Variants in RNGTT observed in about 807,000 individuals in gnomAD.
RNGTT encodes mRNA-capping enzyme.
In RNGTT, 33 loss-of-function variants were observed where a neutral mutation model predicts 79.3. That is an observed-to-expected ratio of 0.42 (90% CI 0.32 to 0.56). The LOEUF is 0.56. Among genes scored for constraint, RNGTT ranks in the 20% least tolerant of loss-of-function variants. The pLI is 0.17. For missense variants in RNGTT, 497 were observed against 739.1 expected (o/e 0.67, Z 3.80); for synonymous variants, 222 against 235.9 (o/e 0.94, Z 0.54).
chr6:88,856,801 A>G (rs955508221), intron 8 of RNGTT, among the ~76,000 whole-genome samples: 1 of 152,190 alleles, frequency 6.6e-6, no homozygotes, highest in African/African-American at 2.4e-5. Flanking sequence ...CATCACTCCA[A>G]AGTCCCTGAA....
intron 13 of RNGTT, among the ~76,000 whole-genome samples, chr6:88,699,835 G>A (rs2756364): frequency 0.27 from 40,512 of 152,068 alleles, 9,449 homozygotes; most frequent in African/African-American, 0.63. Context: ...ATATTGTATG[G>A]TTTGAATCAT....
chr6:88,626,233 C>G (rs1411066662), intron 14 of RNGTT, among the ~76,000 whole-genome samples: 1 of 151,786 alleles, frequency 6.6e-6, no homozygotes, highest in Non-Finnish European at 1.5e-5. Context: ...GAAGCTGAAG[C>G]CAGAGAGTTT....
Position 88,844,425 on chromosome 6 carries a change from T to C in RNGTT, c.1201A>G (p.Ile401Val), listed in dbSNP as rs1476458135. 3.7e-6 allele frequency: 6 copies of C among 1,614,118 alleles called. No homozygotes were observed. The highest frequency in any genetic ancestry group is 5.1e-6 in the Non-Finnish European group (6 of 1,179,976). The change falls in exon 11 of 16, where the codon ATT becomes GTT. Residue 401 changes from isoleucine (I) to valine (V), a missense_variant. By Grantham distance (29) the Ile-to-Val change is conservative. Transcript: ENST00000369485. ...PRHEKMKTGL[I>V]DKTQEPFSVR... Reference sequence around the variant, plus strand: ...CTAAATGGTTCCTGTGTTTTGTCAATGAGCCCAGTCTTCATTTTTTCGTGT... The same window carrying C: ...CTAAATGGTTCCTGTGTTTTGTCAACGAGCCCAGTCTTCATTTTTTCGTGT...
intron 4 of RNGTT, among the ~76,000 whole-genome samples, chr6:88,928,314 C>A (rs1326233482): frequency 6.6e-6 from 1 of 152,076 alleles, no homozygotes; most frequent in African/African-American, 2.4e-5. Flanking sequence ...AAAACAACAA[C>A]AACAACAAAC....
chr6:88,879,871 A>T (rs571236366), intron 8 of RNGTT, among the ~76,000 whole-genome samples: 2 of 152,340 alleles, frequency 1.3e-5, no homozygotes, highest in Non-Finnish European at 2.9e-5. Flanking sequence ...TCCAAAAGCC[A>T]AATGTGACCT....
intron 4 of RNGTT, among the ~76,000 whole-genome samples, chr6:88,926,382 T>A (rs865835999): frequency 1.3e-5 from 2 of 152,338 alleles, no homozygotes; most frequent in African/African-American, 4.8e-5. Context: ...AACTATTTTT[T>A]TCTGTGCTCG....
At chr6:88,624,668 G>T (rs1055350989) in intron 14 of RNGTT, among the ~76,000 whole-genome samples, 1 of 151,712 alleles carries the variant, frequency 6.6e-6, no homozygotes, top group Admixed American at 6.6e-5. Flanking sequence ...CCTAGGGTTA[G>T]GCAAAATTTC....
chr6:88,858,834 G>A (rs1467013947), intron 8 of RNGTT, among the ~76,000 whole-genome samples: 6 of 152,066 alleles, frequency 3.9e-5, no homozygotes, highest in African/African-American at 1.4e-4. Context: ...TGGGAGGGTT[G>A]GAGTACACAG....
intron 13 of RNGTT, among the ~76,000 whole-genome samples, chr6:88,719,474 C>T (rs1281199808): frequency 6.6e-6 from 1 of 152,162 alleles, no homozygotes; most frequent in Non-Finnish European, 1.5e-5. Context: ...CTGCTTCTTC[C>T]AACTTGATTA....
intron 13 of RNGTT, among the ~76,000 whole-genome samples, chr6:88,718,760 A>G (rs1221187239): frequency 6.6e-6 from 1 of 152,326 alleles, no homozygotes; most frequent in East Asian, 1.9e-4. Flanking sequence ...GTATGCTGCC[A>G]ACTCTTTTGC....
intron 8 of RNGTT, among the ~76,000 whole-genome samples, chr6:88,887,819 G>A (rs1782917322): frequency 6.6e-6 from 1 of 152,142 alleles, no homozygotes; most frequent in Non-Finnish European, 1.5e-5. Flanking sequence ...AATGCAGAAA[G>A]TAAAGAGTAT....
intron 2 of RNGTT, among the ~76,000 whole-genome samples, chr6:88,929,893 C>T (rs531574266): frequency 8.7e-5 from 13 of 150,272 alleles, no homozygotes; most frequent in Non-Finnish European, 1.5e-4. Flanking sequence ...CACATATATA[C>T]ATATGTATAC....
intron 14 of RNGTT, among the ~76,000 whole-genome samples, chr6:88,646,089 C>T (rs1206717276): frequency 6.6e-6 from 1 of 152,140 alleles, no homozygotes; most frequent in African/African-American, 2.4e-5. Flanking sequence ...TTTTTGCAAT[C>T]TACTCATCTG....
At chr6:88,786,878 C>CA in intron 12 of RNGTT, among the ~76,000 whole-genome samples, 1 of 152,174 alleles carries the variant, frequency 6.6e-6, no homozygotes, top group African/African-American at 2.4e-5. Context: ...GTGATTAAGT[C>CA]AAGAGGACTC....
chr6:88,712,515 C>T (rs1324168514), intron 13 of RNGTT, among the ~76,000 whole-genome samples: 1 of 152,106 alleles, frequency 6.6e-6, no homozygotes, highest in African/African-American at 2.4e-5. Flanking sequence ...CACCATGTTG[C>T]CCACCAGGCT....
intron 14 of RNGTT, among the ~76,000 whole-genome samples, chr6:88,649,704 A>C (rs1050335420): frequency 1.3e-5 from 2 of 152,170 alleles, no homozygotes; most frequent in African/African-American, 4.8e-5. Flanking sequence ...CTCAAAAAAA[A>C]AAAGGTTCTA....
In RNGTT at chr6:88,734,832, C is replaced by T. The variant is rs572441689; in HGVS notation, c.1439+34942G>A. 7.9e-5 allele frequency among the ~76,000 whole-genome samples: 12 copies of T among 152,242 alleles called. No homozygotes were observed. The East Asian group carries it at 1.9e-3, about 24-fold the overall frequency. On this transcript the variant is annotated intron_variant, in intron 13 of 15. Transcript: ENST00000369485. ...AATAAGCTACATGAAATAGTCGACA[C>T]ATTATAAAACAGGCTTTTGTGTTAG...
chr6:88,641,633 G>T (rs1037831849), intron 14 of RNGTT, among the ~76,000 whole-genome samples: 6 of 152,200 alleles, frequency 3.9e-5, no homozygotes, highest in Non-Finnish European at 8.8e-5. Flanking sequence ...AAGCTAAGTT[G>T]GAAAGAGAAG....
At chr6:88,936,709 A>G (rs1784677414) in intron 2 of RNGTT, among the ~76,000 whole-genome samples, 1 of 152,210 alleles carries the variant, frequency 6.6e-6, no homozygotes, top group Admixed American at 6.5e-5. Flanking sequence ...CCATCATTGC[A>G]TCAGAGATAC....
Sources: gnomAD v4.1 joint callset for allele counts (sites outside exome capture counted in the v4.1 genomes callset) on GRCh38, gnomAD v4.1.1 for gene constraint, MANE v1.5 for transcripts, NCBI Gene and HGNC (gene_info 2026-07-23, HGNC 2026-07-21) for gene names.